The following FMN2 variants were observed in gnomAD, a reference collection of about 807,000 sequenced individuals.
FMN2 encodes the protein formin-2.
Under a neutral mutation model 142.3 loss-of-function variants are expected in FMN2, and 51 were observed. The observed-to-expected ratio is 0.36, with a 90% CI of 0.29 to 0.45. FMN2 has a LOEUF of 0.45. FMN2 is among the 20% of genes least tolerant of loss of function. The pLI is 1.00. For synonymous variants in FMN2, 882 were observed against 869.8 expected, an observed-to-expected ratio of 1.01 and a Z score of -0.25; for missense variants, 1,936 against 2,122.8, an observed-to-expected ratio of 0.91 and a Z score of 1.73.
chr1:240,118,179 G>A (rs1662098005), intron 1 of FMN2, among the ~76,000 whole-genome samples: 1 of 152,114 alleles, frequency 6.6e-6, no homozygotes, highest in South Asian at 2.1e-4. Context: ...GAGTGTTGCG[G>A]GGGTTGTGAC....
intron 16 of FMN2, chr1:240,458,892 T>G (rs1676343798): frequency 6.6e-6 from 1 of 152,158 alleles, no homozygotes; most frequent in South Asian, 2.1e-4. Context: ...AGAAAGAATA[T>G]GGTCATTCTT....
chr1:240,144,988 C>G (rs1483044792), intron 2 of FMN2: 1 of 1,290,390 alleles, frequency 7.7e-7, no homozygotes, highest in East Asian at 2.3e-5. Context: ...TGGTCATGGC[C>G]AAAACAGAGA....
At position 240,371,918 on chromosome 1, in the gene FMN2, AAC is replaced by A. The variant is rs1391917662; in HGVS notation, c.4858+16013_4858+16014del. Among the ~76,000 whole-genome samples the A allele has an allele frequency of 1.4e-4, 21 of 152,236 alleles. No homozygotes were observed. In the East Asian group the frequency reaches 3.9e-3, roughly 28 times the overall value. ...TTGTGCATGAATAAAATCTAAGTGA[AAC>A]ACTGCTAAACCATGTTAACTTATGA... On this transcript the variant is annotated intron_variant, in intron 14 of 17. Coordinates refer to ENST00000319653, the MANE Select transcript of FMN2 (RefSeq NM_020066.5).
intron 7 of FMN2, among the ~76,000 whole-genome samples, chr1:240,277,571 C>T (rs1278617560): frequency 5.4e-5 from 7 of 129,496 alleles, no homozygotes; most frequent in African/African-American, 1.5e-4. Context: ...TGCACTCTGT[C>T]GCCCAGGCTG....
At chr1:240,201,043 C>G (rs1666104355) in intron 4 of FMN2, among the ~76,000 whole-genome samples, 1 of 152,114 alleles carries the variant, frequency 6.6e-6, no homozygotes. Context: ...CATTTGAAAA[C>G]CTTTGAAGCT....
chr1:240,271,100 T>TTTTG (rs1046823917), intron 7 of FMN2, among the ~76,000 whole-genome samples: 1 of 139,726 alleles, frequency 7.2e-6, no homozygotes, highest in Non-Finnish European at 1.5e-5. Context: ...CCACGATGGT[T>TTTTG]TTTTTTTTTT....
chr1:240,472,077 C>A, intron 16 of FMN2: 2 of 257,730 alleles, frequency 7.8e-6, no homozygotes, highest in South Asian at 7.7e-5. Context: ...TATAAGATTC[C>A]TTTTATATAG....
chr1:240,291,747 C>CTTT (rs139379597), intron 7 of FMN2, among the ~76,000 whole-genome samples: 2 of 151,672 alleles, frequency 1.3e-5, no homozygotes, highest in South Asian at 2.1e-4. Context: ...TTTTGTTTTT[C>CTTT]TTTTTTTTGG....
intron 7 of FMN2, among the ~76,000 whole-genome samples, chr1:240,267,029 T>C (rs1249421117): frequency 6.6e-6 from 1 of 152,100 alleles, no homozygotes; most frequent in Non-Finnish European, 1.5e-5. Context: ...TTCGGGATAT[T>C]GGCTTTGGCA....
chr1:240,344,864 A>C (rs1382751987), intron 13 of FMN2, among the ~76,000 whole-genome samples: 1 of 152,228 alleles, frequency 6.6e-6, no homozygotes, highest in East Asian at 1.9e-4. Flanking sequence ...TGTACTTTGC[A>C]TACTTTGCAC....
intron 8 of FMN2, among the ~76,000 whole-genome samples, chr1:240,310,388 C>G (rs12118312): frequency 0.21 from 31,661 of 151,950 alleles, 3,599 homozygotes; most frequent in East Asian, 0.36. Flanking sequence ...CTTTTTTTCT[C>G]TCCTGATTGC....
At chr1:240,176,524 C>T (rs1321674233) in intron 2 of FMN2, among the ~76,000 whole-genome samples, 1 of 152,186 alleles carries the variant, frequency 6.6e-6, no homozygotes. Context: ...GCTGTCACAC[C>T]TTGACATCAT....
intron 15 of FMN2, among the ~76,000 whole-genome samples, chr1:240,407,034 A>G (rs1558475485): frequency 6.6e-6 from 1 of 152,170 alleles, no homozygotes; most frequent in Non-Finnish European, 1.5e-5. Context: ...CATGTGGGTA[A>G]ACTTTAAAAG....
intron 15 of FMN2, among the ~76,000 whole-genome samples, chr1:240,409,747 A>G (rs1674335205): frequency 6.6e-6 from 1 of 152,174 alleles, no homozygotes; most frequent in East Asian, 1.9e-4. Context: ...CCCAAACAAT[A>G]AGGAAAATAG....
chr1:240,112,252 C>T (rs747287437), intron 1 of FMN2, among the ~76,000 whole-genome samples: 15 of 151,956 alleles, frequency 9.9e-5, no homozygotes, highest in Non-Finnish European at 1.8e-4. Flanking sequence ...CTGCCTCAGC[C>T]TCCCGAGTAG....
At chr1:240,414,843 G>A (rs1375310440) in intron 15 of FMN2, among the ~76,000 whole-genome samples, 2 of 152,302 alleles carry the variant, frequency 1.3e-5, no homozygotes, top group East Asian at 3.9e-4. Context: ...TTTATATCTA[G>A]AAGTGGAACC....
intron 2 of FMN2, among the ~76,000 whole-genome samples, chr1:240,155,972 C>G (rs1185887741): frequency 5.3e-5 from 8 of 151,078 alleles, no homozygotes; most frequent in South Asian, 2.1e-4. Context: ...GACGTGGTGG[C>G]TCACTCCTGT....
At position 240,446,886 on chromosome 1, in the gene FMN2, C is replaced by G. The variant is rs899485213; in HGVS notation, c.5060+8676C>G. On this transcript the variant is annotated intron_variant, in intron 16 of 17. Transcript: ENST00000319653. ...TCCACATTCACACACTCCTCCTGCT[C>G]GACTTTAGGATTTCAGCTTCACACA... 8.5e-5 allele frequency among the ~76,000 whole-genome samples: 13 copies of G among 152,230 alleles called. No homozygotes were observed. The South Asian group carries it at 2.3e-3, about 27-fold the overall frequency.
intron 3 of FMN2, among the ~76,000 whole-genome samples, chr1:240,180,393 G>GTCAGT (rs1665098969): frequency 1.3e-5 from 2 of 152,032 alleles, no homozygotes; most frequent in Non-Finnish European, 2.9e-5. Flanking sequence ...AGTTGTAAGA[G>GTCAGT]TGGGCATGTC....
Sources: allele counts gnomAD v4.1 joint callset (sites outside exome capture counted in the v4.1 genomes callset), GRCh38; gene constraint gnomAD v4.1.1; transcripts MANE v1.5; gene names NCBI Gene and HGNC (gene_info 2026-07-23, HGNC 2026-07-21).